The following TBC1D22B variants were observed in gnomAD, a reference collection of about 807,000 sequenced individuals.
The protein encoded by TBC1D22B is TBC1 domain family member 22B.
Under a neutral mutation model 69.1 loss-of-function variants are expected in TBC1D22B, and 32 were observed. The ratio of observed to expected loss-of-function variants is 0.46; its 90% CI spans 0.35 to 0.62. The LOEUF is 0.62. Among genes scored for constraint, TBC1D22B ranks in the 20% least tolerant of loss-of-function variants. The pLI, the probability that TBC1D22B is intolerant of heterozygous loss-of-function variation, is 0.00. For missense variants in TBC1D22B, 462 were observed against 630.9 expected, an observed-to-expected ratio of 0.73 and a Z score of 2.87; for synonymous variants, 206 against 229.8, an observed-to-expected ratio of 0.90 and a Z score of 0.94.
At position 37,313,860 on chromosome 6, in the gene TBC1D22B, G is replaced by A. The variant is rs1401236262; in HGVS notation, c.1134G>A (p.Lys378=). 1.2e-6 allele frequency: 2 copies of A among 1,614,194 alleles called. No individual in the cohort carries two copies. Among genetic ancestry groups the A allele is most frequent in the Non-Finnish European group, 8.5e-7 (1 of 1,180,014 alleles). The part of the protein sequence containing the change: ...FAQPGIQKKV[K]ALEELVSRID... ...AACCAGGAATCCAGAAGAAGGTGAA[G>A]GCACTGGAAGAGCTTGTCAGCCGGA... The change falls in exon 10 of 13, where the codon AAG becomes AAA. Residue 378 remains lysine, a synonymous_variant. Transcript: ENST00000373491.
At chr6:37,302,635 T>C (rs1234747153) in intron 8 of TBC1D22B, among the ~76,000 whole-genome samples, 2 of 152,216 alleles carry the variant, frequency 1.3e-5, no homozygotes, top group Non-Finnish European at 2.9e-5. Context: ...TTCCTTTGCA[T>C]AAAACAGCAC....
chr6:37,286,926 A>G, intron 6 of TBC1D22B, 81 bp from the exon 7 acceptor site: 1 of 1,284,836 alleles, frequency 7.8e-7, no homozygotes, highest in Non-Finnish European at 1.1e-6. Context: ...CCTGGGGGAC[A>G]AGAGCGAGAC....
In TBC1D22B at chr6:37,279,702, TAG is replaced by T. The variant is rs1384884719; in HGVS notation, c.421+93_421+94del. 17 of 1,336,476 alleles carry T rather than the reference TAG, an allele frequency of 1.3e-5. No individual in the cohort carries two copies. The African/African-American group carries it at 1.5e-4, about 12-fold the overall frequency. 82.8% of individuals were successfully genotyped at this position (1,336,476 alleles called of 1,614,324 possible). A position where few individuals can be genotyped will look rare whatever the true frequency, so the allele number is the denominator to read the frequency against. On this transcript the variant is annotated intron_variant, in intron 3 of 12. Transcript: ENST00000373491. ...ATTTTTCTTTGGGGCCTCACTCAGG[TAG>T]ATATTCAACTGGGCGGTAAATAAAC...
At chr6:37,304,198 A>G (rs1485550116) in intron 8 of TBC1D22B, among the ~76,000 whole-genome samples, 1 of 152,194 alleles carries the variant, frequency 6.6e-6, no homozygotes, top group Non-Finnish European at 1.5e-5. Context: ...TTAGTCAACA[A>G]GTCTTTGATG....
chr6:37,316,342 T>G (rs1363702551), intron 10 of TBC1D22B, among the ~76,000 whole-genome samples: 3 of 152,184 alleles, frequency 2.0e-5, no homozygotes, highest in Non-Finnish European at 4.4e-5. Context: ...GTGGCCAAGG[T>G]GACCTCCATG....
intron 4 of TBC1D22B, 58 bp downstream of exon 4, chr6:37,282,422 AC>A: frequency 6.6e-7 from 1 of 1,505,392 alleles, no homozygotes; most frequent in Non-Finnish European, 8.9e-7. Flanking sequence ...ATTCTCAGAG[AC>A]CTGGAAGCTA....
intron 12 of TBC1D22B, among the ~76,000 whole-genome samples, chr6:37,321,741 C>T (rs1030650207): frequency 2.0e-5 from 3 of 152,310 alleles, no homozygotes; most frequent in African/African-American, 7.2e-5. Flanking sequence ...AGCTCTGGGC[C>T]TGTCTGTGGA....
chr6:37,266,530 C>T (rs529594188), intron 1 of TBC1D22B, among the ~76,000 whole-genome samples: 3 of 147,778 alleles, frequency 2.0e-5, no homozygotes, highest in Non-Finnish European at 4.5e-5. Flanking sequence ...GGTACAATCT[C>T]GGCCCACTGC....
At chr6:37,265,188 TC>T in intron 1 of TBC1D22B, among the ~76,000 whole-genome samples, 1 of 152,356 alleles carries the variant, frequency 6.6e-6, no homozygotes, top group African/African-American at 2.4e-5. Flanking sequence ...ATCTTAGCCT[TC>T]CTGGCTATGC....
intron 1 of TBC1D22B, 151 bp downstream of exon 1, chr6:37,258,124 C>A: frequency 2.3e-6 from 2 of 860,246 alleles, no homozygotes; most frequent in Non-Finnish European, 3.5e-6. Context: ...AGCTGTCAGG[C>A]AGCGAAGCGA....
chr6:37,284,327 TGTCTA>T lies in TBC1D22B; in HGVS notation c.673-8_673-4del. Reference sequence around the variant, plus strand: ...TCTTTCCCCATCTGACCAGCAGTCTTGTCTATAGGGCTATCTCCCAGCAAACACTG... The same window carrying T: ...TCTTTCCCCATCTGACCAGCAGTCTTTAGGGCTATCTCCCAGCAAACACTG... On this transcript the variant is annotated splice_polypyrimidine_tract_variant and splice_region_variant and intron_variant, in intron 5 of 12. Coordinates refer to ENST00000373491, the MANE Select transcript of TBC1D22B (RefSeq NM_017772.4). The T allele has an allele frequency of 6.2e-7, 1 of 1,614,148 alleles. No homozygotes were observed. Among genetic ancestry groups the T allele is most frequent in the Non-Finnish European group, 8.5e-7 (1 of 1,179,988 alleles).
intron 12 of TBC1D22B, among the ~76,000 whole-genome samples, chr6:37,319,794 C>T (rs552664783): frequency 3.0e-4 from 45 of 152,330 alleles, no homozygotes; most frequent in African/African-American, 1.0e-3. Context: ...TTAGGCTAGA[C>T]AGGCAGTGTC....
chr6:37,324,400 T>A (rs148268584), intron 12 of TBC1D22B: 115 of 456,458 alleles, frequency 2.5e-4, no homozygotes, highest in African/African-American at 2.3e-3. Context: ...GTGACACATC[T>A]ACAGCAGGTT....
intron 8 of TBC1D22B, among the ~76,000 whole-genome samples, chr6:37,304,723 CAT>C (rs1178666315): frequency 1.3e-5 from 2 of 152,014 alleles, no homozygotes; most frequent in East Asian, 1.9e-4. Flanking sequence ...TAGACATAAA[CAT>C]GTGTCAAGAC....
At chr6:37,266,344 A>G (rs943312030) in intron 1 of TBC1D22B, among the ~76,000 whole-genome samples, 1 of 152,166 alleles carries the variant, frequency 6.6e-6, no homozygotes, top group African/African-American at 2.4e-5. Context: ...CTAATCATAC[A>G]TAAAATGCAT....
At chr6:37,282,040 G>C (rs1766849212) in intron 3 of TBC1D22B, 145 bp from the exon 4 acceptor site, 1 of 858,034 alleles carries the variant, frequency 1.2e-6, no homozygotes, top group African/African-American at 1.7e-5. Flanking sequence ...GCCCCTCGCT[G>C]CCCTTCAGCT....
intron 8 of TBC1D22B, among the ~76,000 whole-genome samples, chr6:37,308,944 TAAAA>T (rs11311872): frequency 7.1e-5 from 10 of 141,160 alleles, no homozygotes; most frequent in Non-Finnish European, 1.1e-4. Flanking sequence ...TCCTGTCTCT[TAAAA>T]AAAAAAAAAA....
intron 5 of TBC1D22B, among the ~76,000 whole-genome samples, chr6:37,283,195 G>A (rs1199241534): frequency 6.6e-6 from 1 of 152,188 alleles, no homozygotes; most frequent in African/African-American, 2.4e-5. Context: ...TCTTAACAGC[G>A]AGGAAGAAGA....
chr6:37,301,585 A>G (rs1767573421), intron 8 of TBC1D22B, among the ~76,000 whole-genome samples: 1 of 152,120 alleles, frequency 6.6e-6, no homozygotes, highest in African/African-American at 2.4e-5. Context: ...ATTCTTTTCT[A>G]TGGCCAAATA....
Sources: allele counts gnomAD v4.1 joint callset (sites outside exome capture counted in the v4.1 genomes callset), GRCh38; gene constraint gnomAD v4.1.1; transcripts MANE v1.5; gene names NCBI Gene and HGNC (gene_info 2026-07-23, HGNC 2026-07-21).